Variants in AMZ1 observed in about 807,000 individuals in gnomAD.
AMZ1 encodes archaemetzincin-1.
AMZ1 carries 39 observed loss-of-function variants against 29.9 expected under a neutral mutation model. The observed-to-expected ratio is 1.30, with a 90% CI of 1.01 to 1.70. The LOEUF (loss-of-function observed/expected upper bound fraction) is 1.70. Among genes scored for constraint, AMZ1 ranks in the 40% most tolerant of loss-of-function variants. The probability of loss-of-function intolerance (pLI) is 0.00; values close to 1 mark genes in which losing one functional copy is unlikely to be tolerated. For missense variants in AMZ1, 1,041 were observed against 680.6 expected, an observed-to-expected ratio of 1.53 and a Z score of -5.89; for synonymous variants, 458 against 304.0, an observed-to-expected ratio of 1.51 and a Z score of -5.27.
At chr7:2,709,943 G>C in intron 6 of AMZ1, 127 bp downstream of exon 6, 1 of 1,323,134 alleles carries the variant, frequency 7.6e-7, no homozygotes. Flanking sequence ...GTTCCAGGCA[G>C]TGCAGAGCCC....
chr7:2,693,642 G>A (rs997504715), intron 1 of AMZ1, among the ~76,000 whole-genome samples: 2 of 152,140 alleles, frequency 1.3e-5, no homozygotes, highest in African/African-American at 2.4e-5. Flanking sequence ...TGCAAGCTCC[G>A]CCTCCCGGGT....
chr7:2,726,304 G>C (rs537634172), intron 4 of AMZ1, among the ~76,000 whole-genome samples: 71 of 152,328 alleles, frequency 4.7e-4, no homozygotes, highest in African/African-American at 1.4e-3. Context: ...GTTACACGGT[G>C]AAATACAATC....
intron 4 of AMZ1, among the ~76,000 whole-genome samples, chr7:2,754,941 A>G (rs1415358641): frequency 6.6e-6 from 1 of 152,196 alleles, no homozygotes; most frequent in Non-Finnish European, 1.5e-5. Flanking sequence ...TGAAATCTGT[A>G]ACTCAGTTTG....
intron 4 of AMZ1, 27 bp from the exon 5 acceptor site, chr7:2,709,048 A>AG (rs1788563300): frequency 6.5e-7 from 1 of 1,542,160 alleles, no homozygotes; most frequent in Non-Finnish European, 8.7e-7. Context: ...GACCCCTGAG[A>AG]GTGCCCTTCT....
At chr7:2,696,478 C>A (rs113563299) in intron 1 of AMZ1, among the ~76,000 whole-genome samples, 1,826 of 149,974 alleles carry the variant, frequency 0.012, 26 homozygotes, top group Middle Eastern at 0.079. Context: ...AGGATGGTCT[C>A]GATCTCCTGA....
chr7:2,755,489 A>G (rs919782037), intron 4 of AMZ1, among the ~76,000 whole-genome samples: 11 of 152,202 alleles, frequency 7.2e-5, no homozygotes, highest in Non-Finnish European at 1.5e-4. Context: ...ACAGTATTTC[A>G]TTTTTAAAAT....
intron 6 of AMZ1, among the ~76,000 whole-genome samples, chr7:2,710,413 C>A (rs10229834): frequency 0.28 from 42,057 of 152,216 alleles, 9,005 homozygotes; most frequent in African/African-American, 0.6. Context: ...CTTTGGACTA[C>A]AACCAGTTAT....
downstream of AMZ1, among the ~76,000 whole-genome samples, chr7:2,721,861 T>C (rs776352106): frequency 5.3e-5 from 8 of 152,164 alleles, no homozygotes; most frequent in Non-Finnish European, 1.0e-4. Context: ...AAAAATCATA[T>C]ATACAAAACA....
intron 4 of AMZ1, among the ~76,000 whole-genome samples, chr7:2,743,971 G>A (rs963752923): frequency 2.6e-5 from 4 of 152,172 alleles, no homozygotes; most frequent in Admixed American, 6.6e-5. Flanking sequence ...GAGGCTGGGG[G>A]AGGGGTACCC....
chr7:2,706,717 T>C (rs1019846507), intron 3 of AMZ1, among the ~76,000 whole-genome samples: 6 of 152,236 alleles, frequency 3.9e-5, no homozygotes, highest in African/African-American at 1.2e-4. Context: ...TCATCTTAAC[T>C]GGATTACATC....
chr7:2,692,498 T>C (rs900029608), intron 1 of AMZ1, among the ~76,000 whole-genome samples: 4 of 152,116 alleles, frequency 2.6e-5, no homozygotes, highest in East Asian at 3.9e-4. Context: ...GCCGAGATTG[T>C]GCCACTGCAC....
At chr7:2,693,567 G>GT (rs990745171) in intron 1 of AMZ1, among the ~76,000 whole-genome samples, 8 of 151,908 alleles carry the variant, frequency 5.3e-5, no homozygotes, top group Admixed American at 2.0e-4. Flanking sequence ...GTTTTGTTTT[G>GT]TTTTTTGACA....
intron 4 of AMZ1, among the ~76,000 whole-genome samples, chr7:2,737,156 T>C (rs1238209918): frequency 6.6e-6 from 1 of 151,704 alleles, no homozygotes; most frequent in Non-Finnish European, 1.5e-5. Flanking sequence ...TAGGGACAGA[T>C]CAAGGACCAG....
chr7:2,728,373 CTTA>C (rs545428320), intron 4 of AMZ1: 14 of 152,046 alleles, frequency 9.2e-5, no homozygotes, highest in African/African-American at 3.1e-4. Context: ...AACAATCTGA[CTTA>C]TTTTTCTTTT....
intron 1 of AMZ1, among the ~76,000 whole-genome samples, chr7:2,699,168 T>C (rs1227529374): frequency 6.6e-6 from 1 of 152,102 alleles, no homozygotes; most frequent in African/African-American, 2.4e-5. Flanking sequence ...CAGCCCACTC[T>C]CCATCCGCCC....
At chr7:2,737,548 CAG>C (rs959552185) in intron 4 of AMZ1, among the ~76,000 whole-genome samples, 2 of 152,128 alleles carry the variant, frequency 1.3e-5, no homozygotes, top group African/African-American at 2.4e-5. Flanking sequence ...CTCAGCCTCC[CAG>C]AGTGCTGGGA....
intron 4 of AMZ1, among the ~76,000 whole-genome samples, chr7:2,754,289 G>A (rs1281179851): frequency 2.6e-5 from 4 of 152,158 alleles, no homozygotes; most frequent in Admixed American, 6.5e-5. Context: ...CCTCTTTGGT[G>A]AAATCACTTC....
chr7:2,729,724 G>A (rs1789793645), intron 4 of AMZ1: 1 of 152,426 alleles, frequency 6.6e-6, no homozygotes. Flanking sequence ...CAACATTCGG[G>A]TGCCAATTAA....
intron 1 of AMZ1, among the ~76,000 whole-genome samples, chr7:2,691,131 C>CAAAAAA: frequency 1.5e-5 from 1 of 68,724 alleles, no homozygotes; most frequent in Non-Finnish European, 2.5e-5. Context: ...GTGACAGAGG[C>CAAAAAA]AAAAAAAAAA....
Sources: gnomAD v4.1 joint callset for allele counts (sites outside exome capture counted in the v4.1 genomes callset) on GRCh38, gnomAD v4.1.1 for gene constraint, MANE v1.5 for transcripts, NCBI Gene and HGNC (gene_info 2026-07-23, HGNC 2026-07-21) for gene names.